The following CEP128 variants were observed in gnomAD, a reference collection of about 807,000 sequenced individuals.
The protein encoded by CEP128 is centrosomal protein 128kDa.
CEP128 carries 132 observed loss-of-function variants against 156.7 expected under a neutral mutation model. That is an observed-to-expected ratio of 0.84 (90% CI 0.73 to 0.97). CEP128 has a LOEUF of 0.97. CEP128 is among the 50% of genes least tolerant of loss of function. The probability of loss-of-function intolerance (pLI) is 0.00; values close to 1 mark genes in which losing one functional copy is unlikely to be tolerated. For synonymous variants in CEP128, 469 were observed against 448.9 expected (o/e 1.04, Z -0.57); for missense variants, 1,252 against 1,281.9 (o/e 0.98, Z 0.36).
intron 9 of CEP128, among the ~76,000 whole-genome samples, chr14:80,856,069 G>T (rs1483212482): frequency 6.6e-6 from 1 of 152,012 alleles, no homozygotes; most frequent in Non-Finnish European, 1.5e-5. Flanking sequence ...AAAAAGTATC[G>T]ATTACTTTAA....
intron 19 of CEP128, among the ~76,000 whole-genome samples, chr14:80,630,639 C>T (rs1461870838): frequency 6.6e-6 from 1 of 151,870 alleles, no homozygotes; most frequent in Non-Finnish European, 1.5e-5. Context: ...ATTGTATAGG[C>T]AAAAAAACTC....
chr14:80,626,470 C>CAAAA (rs60238276), intron 19 of CEP128, among the ~76,000 whole-genome samples: 7 of 80,688 alleles, frequency 8.7e-5, no homozygotes, highest in African/African-American at 2.3e-4. Context: ...GACTCCGTCT[C>CAAAA]AAAAAAAAAA....
chr14:80,927,517 T>C (rs1175601884), intron 2 of CEP128, among the ~76,000 whole-genome samples: 3 of 152,184 alleles, frequency 2.0e-5, no homozygotes, highest in Admixed American at 1.3e-4. Context: ...GCAAGACAGC[T>C]AGAGTCACAG....
chr14:80,900,344 G>A (rs946155116), intron 6 of CEP128, among the ~76,000 whole-genome samples: 8 of 152,178 alleles, frequency 5.3e-5, no homozygotes, highest in Non-Finnish European at 1.0e-4. Context: ...CGAGAAAGAA[G>A]GAGAAAACCG....
chr14:80,870,713 TC>T (rs1473138875), intron 8 of CEP128, among the ~76,000 whole-genome samples: 1 of 151,876 alleles, frequency 6.6e-6, no homozygotes, highest in East Asian at 1.9e-4. Context: ...TATGAACACT[TC>T]CATTCAACGT....
chr14:80,671,205 C>T (rs1287832875), intron 19 of CEP128, among the ~76,000 whole-genome samples: 4 of 152,082 alleles, frequency 2.6e-5, no homozygotes, highest in African/African-American at 9.7e-5. Context: ...AGACATAACA[C>T]ATTAAAAGCT....
At chr14:80,569,529 T>A (rs1891050978) in intron 20 of CEP128, among the ~76,000 whole-genome samples, 1 of 152,212 alleles carries the variant, frequency 6.6e-6, no homozygotes, top group Non-Finnish European at 1.5e-5. Context: ...TACAGTGTGG[T>A]TGTAGGAGTT....
chr14:80,590,808 C>T (rs1037778833), intron 19 of CEP128, among the ~76,000 whole-genome samples: 3 of 152,136 alleles, frequency 2.0e-5, no homozygotes, highest in Non-Finnish European at 4.4e-5. Flanking sequence ...CAGCGGATCT[C>T]TTGGCAGAAA....
At chr14:80,637,049 GTAC>G (rs1894212684) in intron 19 of CEP128, among the ~76,000 whole-genome samples, 2 of 150,606 alleles carry the variant, frequency 1.3e-5, no homozygotes, top group African/African-American at 4.9e-5. Context: ...TCGGGCCATT[GTAC>G]TCCAGCCTGG....
chr14:80,871,842 T>C (rs1404858739), intron 8 of CEP128, among the ~76,000 whole-genome samples: 1 of 152,112 alleles, frequency 6.6e-6, no homozygotes, highest in East Asian at 1.9e-4. Flanking sequence ...GAATGGCTTT[T>C]AAGATTAGTA....
At chr14:80,743,914 C>T (rs1417359458) in intron 18 of CEP128, among the ~76,000 whole-genome samples, 1 of 151,280 alleles carries the variant, frequency 6.6e-6, no homozygotes, top group Non-Finnish European at 1.5e-5. Flanking sequence ...CTCTGTCGCC[C>T]GGGATAGAGT....
At chr14:80,728,225 G>A (rs1287708323) in intron 19 of CEP128, among the ~76,000 whole-genome samples, 1 of 152,182 alleles carries the variant, frequency 6.6e-6, no homozygotes, top group Non-Finnish European at 1.5e-5. Flanking sequence ...GCTAGAGGCT[G>A]TAATCCTAAA....
chr14:80,917,299 T>C lies in CEP128; in HGVS notation c.-15-737A>G, dbSNP rs553805428. Among the ~76,000 whole-genome samples the C allele has an allele frequency of 1.9e-3, 286 of 152,286 alleles. 2 individuals carry two copies. Among genetic ancestry groups the C allele is most frequent in the African/African-American group, 6.7e-3 (277 of 41,554 alleles). ...TTCATGCAAAGGAATCTCAAAAGTT[T>C]CAGGAAACCTTTTAATAGAAGTTGA... On this transcript the variant is annotated intron_variant, in intron 2 of 24. Transcript: ENST00000555265.
chr14:80,897,557 T>C (rs545562103), intron 7 of CEP128, among the ~76,000 whole-genome samples: 1 of 152,278 alleles, frequency 6.6e-6, no homozygotes, highest in Admixed American at 6.5e-5. Flanking sequence ...GTCTTCCATA[T>C]CTCAGGAAGT....
intron 18 of CEP128, among the ~76,000 whole-genome samples, chr14:80,744,793 T>G (rs921270853): frequency 6.6e-6 from 1 of 152,162 alleles, no homozygotes; most frequent in African/African-American, 2.4e-5. Flanking sequence ...CCTGGCCAAG[T>G]GCAGCAGGAT....
intron 19 of CEP128, among the ~76,000 whole-genome samples, chr14:80,587,614 G>A (rs1891874152): frequency 6.6e-6 from 1 of 152,088 alleles, no homozygotes; most frequent in Admixed American, 6.6e-5. Context: ...CTGGCACTGA[G>A]AAACATCCTG....
rs1266782147 is a variant in CEP128, at chr14:80,689,682, G to T, written c.2806+53393C>A. 5.7e-4 allele frequency among the ~76,000 whole-genome samples: 87 copies of T among 152,052 alleles called. 1 individual carries two copies. The highest frequency in any genetic ancestry group is 8.8e-5 in the Non-Finnish European group (6 of 68,008). On this transcript the variant is annotated intron_variant, in intron 19 of 24. Transcript: ENST00000555265. ...ATACTGTTGTACTCTGTGTGTGTGTGTATGTGTATACATATATACATAGAC... is the reference window on the plus strand; with the variant it reads ...ATACTGTTGTACTCTGTGTGTGTGTTTATGTGTATACATATATACATAGAC...
At chr14:80,684,268 A>G (rs1896438604) in intron 19 of CEP128, among the ~76,000 whole-genome samples, 1 of 152,080 alleles carries the variant, frequency 6.6e-6, no homozygotes, top group African/African-American at 2.4e-5. Context: ...GTGACATTAC[A>G]GCCATTCTCA....
chr14:80,772,996 G>A (rs1272105706), intron 16 of CEP128, among the ~76,000 whole-genome samples: 1 of 152,192 alleles, frequency 6.6e-6, no homozygotes, highest in East Asian at 1.9e-4. Flanking sequence ...AGCATCTTTT[G>A]TAACAGAGGA....
Sources: gnomAD v4.1 joint callset for allele counts (sites outside exome capture counted in the v4.1 genomes callset) on GRCh38, gnomAD v4.1.1 for gene constraint, MANE v1.5 for transcripts, NCBI Gene and HGNC (gene_info 2026-07-23, HGNC 2026-07-21) for gene names.